Variants in FMR1NB observed in about 807,000 individuals in gnomAD.
FMR1NB encodes the protein FMR1 neighbor, also known as FMR1 neighbor protein.
In FMR1NB, 10 loss-of-function variants were observed where a neutral mutation model predicts 16.8. That is an observed-to-expected ratio of 0.60 (90% CI 0.37 to 1.01). FMR1NB has a LOEUF of 1.01. FMR1NB is among the 50% of genes least tolerant of loss of function. The pLI, the probability that FMR1NB is intolerant of heterozygous loss-of-function variation, is 0.01. For missense variants in FMR1NB, 205 were observed against 204.8 expected (o/e 1.00, Z 0.00); for synonymous variants, 83 against 79.1 (o/e 1.05, Z -0.26).
chrX:147,993,102 G>A (rs1463291833), intron 1 of FMR1NB, among the ~76,000 whole-genome samples: 3 of 109,378 alleles, frequency 2.7e-5, no homozygotes, highest in African/African-American at 6.7e-5. Context: ...CCGAGATCAC[G>A]CCACTGCACT....
At chrX:148,022,633 C>G (rs926665538) in intron 4 of FMR1NB, among the ~76,000 whole-genome samples, 1 of 110,849 alleles carries the variant, frequency 9.0e-6, no homozygotes. Context: ...TTCACTCCTA[C>G]TCTCTCCCTT....
chrX:148,005,604 G>A (rs1557189033), intron 2 of FMR1NB, among the ~76,000 whole-genome samples: 1 of 111,940 alleles, frequency 8.9e-6, no homozygotes, highest in African/African-American at 3.2e-5. Context: ...TTAAATTTTT[G>A]ATCTTGCATA....
At chrX:148,007,787 A>G (rs1356485606) in intron 3 of FMR1NB, among the ~76,000 whole-genome samples, 1 of 112,292 alleles carries the variant, frequency 8.9e-6, no homozygotes, top group East Asian at 2.8e-4. Context: ...TCTTAAGTTA[A>G]TATAGTCCCT....
intron 3 of FMR1NB, among the ~76,000 whole-genome samples, chrX:148,007,586 G>A (rs1312661788): frequency 2.7e-5 from 3 of 111,935 alleles, no homozygotes; most frequent in East Asian, 2.8e-4. Flanking sequence ...CCACCACACC[G>A]AGTCTTGTTC....
chrX:148,025,389 T>G (rs1557190927), intron 5 of FMR1NB, among the ~76,000 whole-genome samples: 1 of 111,146 alleles, frequency 9.0e-6, no homozygotes, highest in African/African-American at 3.3e-5. Flanking sequence ...AGAATGGCCT[T>G]AGGAGTCTGA....
intron 4 of FMR1NB, among the ~76,000 whole-genome samples, chrX:148,021,896 C>CT (rs782136639): frequency 0.017 from 1,687 of 98,941 alleles, 18 homozygotes; most frequent in African/African-American, 0.032. Flanking sequence ...ACATCATCTG[C>CT]TTTTTTTTTT....
chrX:148,005,123 C>T (rs1282887055), intron 2 of FMR1NB, among the ~76,000 whole-genome samples: 1 of 112,188 alleles, frequency 8.9e-6, no homozygotes, highest in Non-Finnish European at 1.9e-5. Context: ...CTCTTGACCT[C>T]GTGATCCGCC....
chrX:148,007,119 A>G (rs1205712309), intron 3 of FMR1NB, among the ~76,000 whole-genome samples: 1 of 111,842 alleles, frequency 8.9e-6, no homozygotes, highest in Non-Finnish European at 1.9e-5. Flanking sequence ...TCCAGGCTCT[A>G]TGGAACCCTC....
intron 4 of FMR1NB, among the ~76,000 whole-genome samples, chrX:148,011,169 C>T (rs1200253783): frequency 9.0e-6 from 1 of 110,714 alleles, no homozygotes. Context: ...GAGGCTGAGG[C>T]AGGAGAATCG....
At chrX:147,996,210 T>A (rs1219250697) in intron 1 of FMR1NB, among the ~76,000 whole-genome samples, 6 of 112,249 alleles carry the variant, frequency 5.3e-5, no homozygotes, top group African/African-American at 9.7e-5. Flanking sequence ...TGATATTAAA[T>A]TTAAAATTGT....
intron 1 of FMR1NB, among the ~76,000 whole-genome samples, chrX:147,994,088 A>G (rs782535042): frequency 1.2e-3 from 130 of 111,406 alleles, no homozygotes; most frequent in African/African-American, 4.2e-3. Flanking sequence ...ATCTGCACAA[A>G]GGCCTTAGAT....
At position 147,985,489 on chromosome X, in the gene FMR1NB, C is replaced by G. The variant is rs782450780; in HGVS notation, c.277+3810C>G. Among the ~76,000 whole-genome samples, 15 of 110,471 alleles carry G rather than the reference C, an allele frequency of 1.4e-4. No homozygotes were observed. In the South Asian group the frequency reaches 5.5e-3, roughly 41 times the overall value. ...CCCTTTCCCCCAACCCCTCGACAGG[C>G]CCTGGTGTGTGATGCTCCCCTCCCT... On this transcript the variant is annotated intron_variant, in intron 1 of 5. Transcript: ENST00000370467.
chrX:148,017,527 TC>T (rs1396182547), intron 4 of FMR1NB, among the ~76,000 whole-genome samples: 1 of 110,221 alleles, frequency 9.1e-6, no homozygotes, highest in Admixed American at 9.7e-5. Context: ...GAGACTATTT[TC>T]TTTTTTTTTC....
intron 1 of FMR1NB, among the ~76,000 whole-genome samples, chrX:147,991,108 T>C (rs782016207): frequency 1.8e-4 from 20 of 111,103 alleles, no homozygotes; most frequent in Non-Finnish European, 3.2e-4. Context: ...CTTTTATCTC[T>C]CTCTAAAGGC....
rs782390510 is a variant in FMR1NB at position 147,996,457 on chromosome X, G to T, written c.278-6744G>T. ...TGAGGCCAACACCCAGAAAGATAGT[G>T]GCATAGGTAGACCCTCAACTTGAAG... On this transcript the variant is annotated intron_variant, in intron 1 of 5. Coordinates refer to ENST00000370467, the MANE Select transcript of FMR1NB (RefSeq NM_152578.3). Among the ~76,000 whole-genome samples, 4 of 110,783 alleles carry T rather than the reference G, an allele frequency of 3.6e-5. No homozygotes were observed. The South Asian group carries it at 1.6e-3, about 43-fold the overall frequency.
chrX:147,996,917 T>A (rs1488877637), intron 1 of FMR1NB, among the ~76,000 whole-genome samples: 4 of 112,595 alleles, frequency 3.6e-5, no homozygotes, highest in Non-Finnish European at 7.5e-5. Context: ...ACTCCTAATC[T>A]TTTATTTGCT....
rs1375605348 is a variant in FMR1NB at position 148,025,046 on chromosome X, T to C, written c.*13+33T>C. 3.4e-6 allele frequency: 4 copies of C among 1,172,699 alleles called. No individual in the cohort carries two copies. The Admixed American group carries it at 9.1e-5, about 27-fold the overall frequency. ...ACAATAGGATATAAAGTTGAAGTGC[T>C]CAATCTCTGATTCTTGTTAGCTTTA... On this transcript the variant is annotated intron_variant, in intron 5 of 5. Coordinates refer to ENST00000370467, the MANE Select transcript of FMR1NB (RefSeq NM_152578.3).
At chrX:148,015,665 T>A (rs1327198176) in intron 4 of FMR1NB, among the ~76,000 whole-genome samples, 4 of 112,577 alleles carry the variant, frequency 3.6e-5, no homozygotes, top group Non-Finnish European at 7.5e-5. Context: ...TTTTATTCCA[T>A]TTTGGTGAGA....
At chrX:147,999,502 C>T (rs1239900188) in intron 1 of FMR1NB, among the ~76,000 whole-genome samples, 3 of 108,853 alleles carry the variant, frequency 2.8e-5, no homozygotes, top group Non-Finnish European at 5.7e-5. Context: ...AGCACTCTCC[C>T]AGGCCCTTTG....
Sources: allele counts gnomAD v4.1 joint callset (sites outside exome capture counted in the v4.1 genomes callset), GRCh38; gene constraint gnomAD v4.1.1; transcripts MANE v1.5; gene names NCBI Gene and HGNC (gene_info 2026-07-23, HGNC 2026-07-21).